Variants in RNLS observed in about 807,000 individuals in gnomAD.
The protein encoded by RNLS is renalase.
Under a neutral mutation model 39.8 loss-of-function variants are expected in RNLS, and 39 were observed. The ratio of observed to expected loss-of-function variants is 0.98; its 90% CI spans 0.76 to 1.28. The LOEUF (loss-of-function observed/expected upper bound fraction) is 1.28. Ranked by LOEUF, RNLS falls within the 50% of genes most tolerant of loss-of-function variation. The probability of loss-of-function intolerance (pLI) is 0.00; values close to 1 mark genes in which losing one functional copy is unlikely to be tolerated. For synonymous variants in RNLS, 147 were observed against 150.7 expected (o/e 0.98, Z 0.18); for missense variants, 410 against 413.3 (o/e 0.99, Z 0.07).
chr10:88,286,651 T>C (rs750431117), intron 6 of RNLS, among the ~76,000 whole-genome samples: 4 of 152,032 alleles, frequency 2.6e-5, no homozygotes, highest in Admixed American at 6.6e-5. Flanking sequence ...AGTGTTTTCA[T>C]GGATAGTAAT....
rs185494305 is a variant in RNLS at position 88,549,120 on chromosome 10, C to T, written c.526+23783G>A. On this transcript the variant is annotated intron_variant, in intron 4 of 6. Coordinates refer to ENST00000331772, the MANE Select transcript of RNLS (RefSeq NM_001031709.3). ...CAGCTTTTGTCATATAGTTGTAGTG[C>T]TATACTGTCTCATCTCCTAAAACTT... Among the ~76,000 whole-genome samples the T allele has an allele frequency of 4.2e-3, 642 of 152,196 alleles. 22 individuals are homozygous for T. In the South Asian group the frequency reaches 0.074, roughly 18 times the overall value.
intron 4 of RNLS, among the ~76,000 whole-genome samples, chr10:88,526,151 A>T (rs1847087437): frequency 2.0e-5 from 3 of 152,130 alleles, no homozygotes; most frequent in South Asian, 2.1e-4. Flanking sequence ...GACTCTGCCA[A>T]GTAGGTCTTT....
At chr10:88,531,899 C>A (rs1283436294) in intron 4 of RNLS, among the ~76,000 whole-genome samples, 1 of 151,948 alleles carries the variant, frequency 6.6e-6, no homozygotes, top group East Asian at 1.9e-4. Context: ...CTCTTTAGGG[C>A]CAGAAACAAA....
chr10:88,445,308 C>T (rs1006237725), intron 4 of RNLS, among the ~76,000 whole-genome samples: 2 of 152,156 alleles, frequency 1.3e-5, no homozygotes, highest in African/African-American at 4.8e-5. Flanking sequence ...TACAAGAGCT[C>T]CTGAAGGAAG....
chr10:88,506,588 A>C (rs560493956), intron 4 of RNLS, among the ~76,000 whole-genome samples: 1 of 151,760 alleles, frequency 6.6e-6, no homozygotes, highest in East Asian at 1.9e-4. Context: ...AAATTTATAC[A>C]TTTATATCTA....
In RNLS at chr10:88,492,797, T is replaced by C. The variant is rs536686003; in HGVS notation, c.526+80106A>G. Among the ~76,000 whole-genome samples the C allele has an allele frequency of 6.6e-4, 100 of 152,042 alleles. 1 individual carries two copies. The South Asian group carries it at 6.9e-3, about 10-fold the overall frequency. ...ACCCAATTCTTTTTCAATCTCATCA[T>C]CCCCAAATATTTACTAAAGGACAAT... On this transcript the variant is annotated intron_variant, in intron 4 of 6. Coordinates refer to ENST00000331772, the MANE Select transcript of RNLS (RefSeq NM_001031709.3).
intron 4 of RNLS, among the ~76,000 whole-genome samples, chr10:88,387,026 G>A (rs565976460): frequency 3.9e-5 from 6 of 152,122 alleles, no homozygotes; most frequent in Non-Finnish European, 8.8e-5. Context: ...CACATAAACA[G>A]AACTAAATTT....
intron 4 of RNLS, among the ~76,000 whole-genome samples, chr10:88,547,841 T>G (rs1479048715): frequency 6.6e-6 from 1 of 152,194 alleles, no homozygotes; most frequent in East Asian, 1.9e-4. Context: ...TGAATGAATC[T>G]TTCTGCAATG....
At chr10:88,303,903 C>T (rs1589502099) in intron 6 of RNLS, among the ~76,000 whole-genome samples, 1 of 152,208 alleles carries the variant, frequency 6.6e-6, no homozygotes, top group Non-Finnish European at 1.5e-5. Flanking sequence ...ATTACCTCCA[C>T]CAATGTGGTG....
chr10:88,284,717 G>A lies in RNLS; in HGVS notation c.*637C>T, dbSNP rs764302873. ...ATTTGTTTGAAAGTTAAAAAGTACT[G>A]TGTGGCTGGGAAAATCATGTGGAAT... is the stretch of plus-strand genomic sequence containing the variant. On this transcript the variant is annotated 3_prime_UTR_variant, in exon 7 of 7. Coordinates refer to ENST00000331772, the MANE Select transcript of RNLS (RefSeq NM_001031709.3). 2.9e-5 allele frequency: 29 copies of A among 985,178 alleles called. No individual in the cohort carries two copies. The highest frequency in any genetic ancestry group is 3.4e-5 in the Non-Finnish European group (28 of 829,904). The allele number at this position is 985,178 out of a possible 1,614,324, so 61.0% of individuals were successfully genotyped here. A position where few individuals can be genotyped will look rare whatever the true frequency, so the allele number is the denominator to read the frequency against.
chr10:88,347,031 T>C (rs529486416), intron 5 of RNLS, among the ~76,000 whole-genome samples: 27 of 152,322 alleles, frequency 1.8e-4, no homozygotes, highest in Admixed American at 9.2e-4. Flanking sequence ...AATGTTGTCA[T>C]GGTCCCAGAT....
At chr10:88,461,370 C>T (rs1482975980) in intron 4 of RNLS, among the ~76,000 whole-genome samples, 1 of 152,080 alleles carries the variant, frequency 6.6e-6, no homozygotes, top group African/African-American at 2.4e-5. Flanking sequence ...TCTGAACACC[C>T]CCTTAAAGTC....
intron 4 of RNLS, among the ~76,000 whole-genome samples, chr10:88,570,595 A>G (rs889723279): frequency 2.6e-5 from 4 of 152,238 alleles, no homozygotes; most frequent in African/African-American, 9.6e-5. Context: ...ATGCAATGCA[A>G]TAGGATTATA....
chr10:88,351,371 T>C (rs1309629261), intron 5 of RNLS, among the ~76,000 whole-genome samples: 1 of 152,230 alleles, frequency 6.6e-6, no homozygotes, highest in Non-Finnish European at 1.5e-5. Context: ...AGGTCTAACA[T>C]TTAAGTCTTT....
chr10:88,334,709 C>T (rs1159534677), intron 5 of RNLS, among the ~76,000 whole-genome samples: 1 of 152,144 alleles, frequency 6.6e-6, no homozygotes, highest in Non-Finnish European at 1.5e-5. Flanking sequence ...TCTTATTTTA[C>T]ATTTCTTTTT....
chr10:88,233,392 GGGAAAA>G, the RNLS span, among the ~76,000 whole-genome samples: 2 of 152,198 alleles, frequency 1.3e-5, no homozygotes, highest in South Asian at 4.1e-4. Flanking sequence ...TCACACTCCA[GGGAAAA>G]TGCAGGGCCT....
chr10:88,542,084 T>C (rs1431422645), intron 4 of RNLS, among the ~76,000 whole-genome samples: 1 of 152,128 alleles, frequency 6.6e-6, no homozygotes, highest in Non-Finnish European at 1.5e-5. Context: ...TCTGTTTAAT[T>C]ATATCTCTTG....
chr10:88,347,361 C>A (rs192679158), intron 5 of RNLS, among the ~76,000 whole-genome samples: 1 of 152,242 alleles, frequency 6.6e-6, no homozygotes, highest in East Asian at 1.9e-4. Context: ...GGTTCCCTCT[C>A]TGAACAGATT....
At chr10:88,582,552 T>C (rs905112983) in intron 1 of RNLS, among the ~76,000 whole-genome samples, 6 of 152,166 alleles carry the variant, frequency 3.9e-5, no homozygotes, top group African/African-American at 9.7e-5. Context: ...CTAAAAATGA[T>C]GAAAGAAATG....
Sources: allele counts gnomAD v4.1 joint callset (sites outside exome capture counted in the v4.1 genomes callset), GRCh38; gene constraint gnomAD v4.1.1; transcripts MANE v1.5; gene names NCBI Gene and HGNC (gene_info 2026-07-23, HGNC 2026-07-21).